Variants in SIN3A observed in about 807,000 individuals in gnomAD.
SIN3A encodes the protein SIN3 transcription regulator family member A.
SIN3A carries 14 observed loss-of-function variants against 146.1 expected under a neutral mutation model. That is an observed-to-expected ratio of 0.10 (90% CI 0.06 to 0.15). SIN3A has a LOEUF of 0.15. Among genes scored for constraint, SIN3A ranks in the 10% least tolerant of loss-of-function variants. SIN3A has a pLI of 1.00. For synonymous variants in SIN3A, 572 were observed against 572.0 expected, an observed-to-expected ratio of 1.00 and a Z score of 0.00; for missense variants, 1,028 against 1,576.0, an observed-to-expected ratio of 0.65 and a Z score of 5.89.
intron 1 of SIN3A, among the ~76,000 whole-genome samples, chr15:75,440,982 C>CAAA (rs769091157): frequency 3.4e-4 from 24 of 71,484 alleles, no homozygotes; most frequent in South Asian, 2.7e-3. Flanking sequence ...GACTCTGTCT[C>CAAA]AAAAAAAAAA....
At chr15:75,385,181 T>C (rs2073055368) in intron 16 of SIN3A, among the ~76,000 whole-genome samples, 2 of 152,100 alleles carry the variant, frequency 1.3e-5, no homozygotes, top group Admixed American at 6.6e-5. Flanking sequence ...CCTTGGAGAA[T>C]CATGAATGCA....
chr15:75,439,767 T>C (rs541555446), intron 1 of SIN3A, among the ~76,000 whole-genome samples: 1 of 152,290 alleles, frequency 6.6e-6, no homozygotes, highest in East Asian at 1.9e-4. Context: ...TGGTCTCCTT[T>C]CGTCCCTCTC....
intron 2 of SIN3A, among the ~76,000 whole-genome samples, chr15:75,423,443 C>T (rs1469772522): frequency 6.6e-6 from 1 of 152,126 alleles, no homozygotes; most frequent in Non-Finnish European, 1.5e-5. Flanking sequence ...CTTTGAGAGG[C>T]CAATGCAGGC....
chr15:75,432,855 C>T (rs969938659), intron 1 of SIN3A, among the ~76,000 whole-genome samples: 4 of 151,930 alleles, frequency 2.6e-5, no homozygotes, highest in Non-Finnish European at 1.5e-5. Flanking sequence ...CCAGCCAGGC[C>T]AACATGGTGA....
chr15:75,440,082 C>T (rs1021950557), intron 1 of SIN3A, among the ~76,000 whole-genome samples: 2 of 151,014 alleles, frequency 1.3e-5, no homozygotes, highest in Non-Finnish European at 2.9e-5. Context: ...ACCTGGGAGG[C>T]GGAGGTTGCA....
At chr15:75,405,301 G>T (rs560516001) in intron 9 of SIN3A, among the ~76,000 whole-genome samples, 6 of 151,354 alleles carry the variant, frequency 4.0e-5, no homozygotes, top group Non-Finnish European at 7.4e-5. Context: ...AGGAGATGGA[G>T]GTTGCACTGA....
chr15:75,417,798 G>A (rs541739847), intron 3 of SIN3A, among the ~76,000 whole-genome samples: 2 of 152,248 alleles, frequency 1.3e-5, no homozygotes, highest in East Asian at 1.9e-4. Flanking sequence ...CTTAATCACC[G>A]ATATGATGAT....
At chr15:75,441,854 C>T (rs1333697242) in intron 1 of SIN3A, among the ~76,000 whole-genome samples, 1 of 152,048 alleles carries the variant, frequency 6.6e-6, no homozygotes, top group African/African-American at 2.4e-5. Context: ...GAGCGTGTGG[C>T]TCTTGCCTCT....
intron 2 of SIN3A, among the ~76,000 whole-genome samples, chr15:75,428,009 TAAAAAATA>T (rs914631475): frequency 9.4e-4 from 142 of 151,578 alleles, no homozygotes; most frequent in Non-Finnish European, 1.6e-3. Flanking sequence ...ATGAATAAAA[TAAAAAATA>T]AAAAAACCAA....
At chr15:75,375,994 A>G (rs1305684091) in intron 19 of SIN3A, 122 bp from the exon 20 acceptor site, 40 of 948,438 alleles carry the variant, frequency 4.2e-5, no homozygotes, top group Non-Finnish European at 5.2e-5. Flanking sequence ...TTAAATACAT[A>G]CACAAATGTT....
intron 14 of SIN3A, among the ~76,000 whole-genome samples, chr15:75,393,858 A>G (rs2073254332): frequency 6.6e-6 from 1 of 152,092 alleles, no homozygotes; most frequent in African/African-American, 2.4e-5. Context: ...CCCAGACTGG[A>G]GTGCAGTGGC....
rs201876590 is a variant in SIN3A, at chr15:75,426,929, C to CAA, written c.189+3256_189+3257dup. ...CCTGGGCGAGAGTGTGACTCTGTCT[C>CAA]AAAAAAAAAAGTAAATTTAGATAGC... On this transcript the variant is annotated intron_variant, in intron 2 of 20. Transcript: ENST00000394947. Among the ~76,000 whole-genome samples, 5 of 141,654 alleles carry CAA rather than the reference C, an allele frequency of 3.5e-5. No homozygotes were observed. The Admixed American group carries it at 3.6e-4, about 10-fold the overall frequency. The allele number at this position is 141,654 out of a possible 152,430, so 92.9% of individuals were successfully genotyped here.
chr15:75,377,580 G>A (rs1038837603), intron 19 of SIN3A, among the ~76,000 whole-genome samples: 6 of 150,828 alleles, frequency 4.0e-5, no homozygotes, highest in Admixed American at 6.6e-5. Flanking sequence ...AGCCAAGATC[G>A]CGCCACTGCA....
chr15:75,393,929 T>G (rs1286194541), intron 14 of SIN3A, among the ~76,000 whole-genome samples: 5 of 152,180 alleles, frequency 3.3e-5, no homozygotes. Flanking sequence ...CACCTCATTC[T>G]GCCGAGTAGC....
chr15:75,448,307 G>C (rs2074344078), intron 1 of SIN3A: 1 of 152,172 alleles, frequency 6.6e-6, no homozygotes, highest in African/African-American at 2.4e-5. Flanking sequence ...CGACCAACCT[G>C]ATCAACATGG....
intron 1 of SIN3A, among the ~76,000 whole-genome samples, chr15:75,438,593 G>A (rs1190514826): frequency 1.3e-5 from 2 of 152,002 alleles, no homozygotes; most frequent in African/African-American, 4.8e-5. Context: ...GGAGGCTGAG[G>A]TGGGAGGATC....
chr15:75,437,071 T>C (rs569894724), intron 1 of SIN3A, among the ~76,000 whole-genome samples: 1 of 152,162 alleles, frequency 6.6e-6, no homozygotes, highest in Non-Finnish European at 1.5e-5. Flanking sequence ...AGTCCAGCAC[T>C]GAGCCAGAGA....
chr15:75,387,526 T>C (rs2073110557), intron 16 of SIN3A, among the ~76,000 whole-genome samples: 1 of 133,944 alleles, frequency 7.5e-6, no homozygotes, highest in South Asian at 2.5e-4. Context: ...AAAAAGTCAC[T>C]GTTTTGGGGT....
chr15:75,405,970 G>C (rs556661779), intron 9 of SIN3A, among the ~76,000 whole-genome samples: 17 of 152,160 alleles, frequency 1.1e-4, no homozygotes, highest in Non-Finnish European at 2.4e-4. Flanking sequence ...CAGAGCTAAG[G>C]ACTCAACACT....
Sources: allele counts gnomAD v4.1 joint callset (sites outside exome capture counted in the v4.1 genomes callset), GRCh38; gene constraint gnomAD v4.1.1; transcripts MANE v1.5; gene names NCBI Gene and HGNC (gene_info 2026-07-23, HGNC 2026-07-21).